The following WDR81 variants were observed in gnomAD, a reference collection of about 807,000 sequenced individuals.
WDR81 encodes the protein WD repeat-containing protein 81.
In WDR81, 92 loss-of-function variants were observed where a neutral mutation model predicts 140.8. The ratio of observed to expected loss-of-function variants is 0.65; its 90% CI spans 0.55 to 0.78. The LOEUF (loss-of-function observed/expected upper bound fraction) is 0.78, where lower values mean the gene tolerates loss of function less well. Ranked by LOEUF, WDR81 falls within the 30% of genes least tolerant of loss-of-function variation. The pLI is 0.00. For missense variants in WDR81, 2,502 were observed against 2,636.4 expected (o/e 0.95, Z 1.12); for synonymous variants, 1,183 against 1,156.4 (o/e 1.02, Z -0.47).
chr17:1,723,015 C>A, upstream of WDR81, among the ~76,000 whole-genome samples: 1 of 152,080 alleles, frequency 6.6e-6, no homozygotes. Flanking sequence ...TCCTAAGTGT[C>A]TTTATGGGAC....
upstream of WDR81, among the ~76,000 whole-genome samples, chr17:1,722,640 C>T (rs1234889288): frequency 2.0e-5 from 3 of 151,410 alleles, no homozygotes; most frequent in African/African-American, 7.3e-5. Context: ...CCACCGCACC[C>T]GGCCCTCCTA....
In WDR81 at chr17:1,732,834, A is replaced by G. The variant is rs1222957113; in HGVS notation, c.4489+3A>G. The G allele has an allele frequency of 6.3e-7, 1 of 1,598,270 alleles. No individual in the cohort carries two copies. Among genetic ancestry groups the G allele is most frequent in the Non-Finnish European group, 8.5e-7 (1 of 1,170,404 alleles). On this transcript the variant is annotated splice_donor_region_variant and intron_variant, in intron 6 of 9. Transcript: ENST00000409644. ...CGTGCCCTTCTCCTGCCTGTTGGGT[A>G]CTGCCCCATCACGTTCCCCATCACA...
At chr17:1,720,899 C>G (rs996055489), upstream of WDR81, among the ~76,000 whole-genome samples, 1 of 152,062 alleles carries the variant, frequency 6.6e-6, no homozygotes. Context: ...TCTCTATTCT[C>G]GGGAGGAAAG....
In WDR81 at chr17:1,733,549, C is replaced by T. The variant is rs888627978; in HGVS notation, c.4512C>T (p.Ile1504=). The change falls in exon 7 of 10, where the codon ATC becomes ATT. Residue 1504 remains isoleucine (I), a synonymous_variant. Coordinates refer to ENST00000409644, the MANE Select transcript of WDR81 (RefSeq NM_001163809.2). ...CLLGDIIRKI[I]PNHELVGELA... ...CAGGTGACATCATCCGGAAAATCAT[C>T]CCCAACCACGAGCTGGTTGGGGAGC... The T allele has an allele frequency of 6.6e-7, 1 of 1,518,334 alleles. No homozygotes were observed. Among genetic ancestry groups the T allele is most frequent in the Non-Finnish European group, 8.8e-7 (1 of 1,134,570 alleles). The allele number at this position is 1,518,334 out of a possible 1,614,324, so 94.1% of individuals were successfully genotyped here. A position where few individuals can be genotyped will look rare whatever the true frequency, so the allele number is the denominator to read the frequency against.
Position 1,734,056 on chromosome 17 carries a change from C to T in WDR81, c.5019C>T (p.Arg1673=), listed in dbSNP as rs373859767. 7.5e-6 allele frequency: 12 copies of T among 1,608,082 alleles called. No homozygotes were observed. Among genetic ancestry groups the T allele is most frequent in the Middle Eastern group, 1.6e-4 (1 of 6,084 alleles). The change falls in exon 7 of 10, where the codon CGC becomes CGT. Residue 1673 remains arginine, a synonymous_variant. Transcript: ENST00000409644. ...FLSGSKDRTV[R]LWPLYNYGDG... is the part of the protein sequence containing the mutation. ...GCGGCAGCAAGGATCGTACCGTGCGCCTCTGGCCGCTGTACAACTACGGCG... is the reference window on the plus strand; with the variant it reads ...GCGGCAGCAAGGATCGTACCGTGCGTCTCTGGCCGCTGTACAACTACGGCG...
rs1331293413 is a variant in WDR81, at chr17:1,735,741, G to A, written c.5325+24G>A. The A allele has an allele frequency of 4.4e-6, 7 of 1,590,250 alleles. No individual in the cohort carries two copies. Among genetic ancestry groups the A allele is most frequent in the East Asian group, 2.3e-5 (1 of 44,332 alleles). ...AGGTCAGGGGGGTCCAGTTCCCTGAGCACTCGCCTGGTTCTCTGGGGACCT... is the reference window on the plus strand; with the variant it reads ...AGGTCAGGGGGGTCCAGTTCCCTGAACACTCGCCTGGTTCTCTGGGGACCT... On this transcript the variant is annotated intron_variant, in intron 8 of 9. Coordinates refer to ENST00000409644, the MANE Select transcript of WDR81 (RefSeq NM_001163809.2). The surrounding 1 kb of genome is among the most constrained non-coding windows in gnomAD (Gnocchi z 4.2).
In WDR81 at chr17:1,726,328, C is replaced by T. The variant is rs1414562283; in HGVS notation, c.1369C>T (p.Arg457Cys). ...DITYYVYKAR[R>C]TPRSVLCGHV... ...CACGTACTATGTGTACAAGGCTCGG[C>T]GCACGCCTCGGTCGGTGCTCTGCGG... The change falls in exon 1 of 10, where the codon CGC becomes TGC. Residue 457 changes from arginine to cysteine, a missense_variant. Arg to Cys is a radical substitution (Grantham distance 180, BLOSUM62 -3). Transcript: ENST00000409644. 4 of 1,543,840 alleles carry T rather than the reference C, an allele frequency of 2.6e-6. No homozygotes were observed. Among genetic ancestry groups the T allele is most frequent in the South Asian group, 2.4e-5 (2 of 83,530 alleles).
rs542047481 is a variant in WDR81, at chr17:1,726,458, C to T, written c.1499C>T (p.Ser500Phe). The T allele has an allele frequency of 1.3e-6, 2 of 1,550,524 alleles. No individual in the cohort carries two copies. Among genetic ancestry groups the T allele is most frequent in the African/African-American group, 1.4e-5 (1 of 73,172 alleles). Residue 500 changes from serine to phenylalanine, a missense_variant, in exon 1 of 10, where the codon TCT becomes TTT. By Grantham distance (155) the Ser-to-Phe change is radical (BLOSUM62 -2). This residue lies in a region of WDR81 where 218 missense variants were observed against 279.6 expected (regional missense o/e 0.78). Transcript: ENST00000409644. ...ECIPEFYTDP[S>F]IFRSIHPDMP... ...ATTCCGGAGTTCTACACCGATCCCT[C>T]TATCTTCCGCTCCATCCACCCCGAC...
rs1192563151 is a variant in WDR81 at position 1,738,035 on chromosome 17, G to A, written c.*350G>A. ...AAGCTCGGGAAGGGGAAGGGAGACT[G>A]GCCCTGCCCAGCCGGTCTCTAGCCC... On this transcript the variant is annotated 3_prime_UTR_variant, in exon 10 of 10. Transcript: ENST00000409644. 11 of 367,292 alleles carry A rather than the reference G, an allele frequency of 3.0e-5. No homozygotes were observed. The East Asian group carries it at 5.7e-4, about 19-fold the overall frequency. 22.8% of individuals were successfully genotyped at this position (367,292 alleles called of 1,614,324 possible).
At chr17:1,733,439 C>T in intron 6 of WDR81, 88 bp from the exon 7 acceptor site, 10 of 1,353,396 alleles carry the variant, frequency 7.4e-6, no homozygotes, top group South Asian at 3.0e-5. Flanking sequence ...GTTCCTGCCC[C>T]ATCTTCTGTG....
intron 7 of WDR81, among the ~76,000 whole-genome samples, chr17:1,734,647 C>T (rs1213241323): frequency 2.0e-5 from 3 of 151,828 alleles, no homozygotes; most frequent in Non-Finnish European, 4.4e-5. Flanking sequence ...GGCGTGGTGG[C>T]GGGTGCCTGT....
At chr17:1,716,738 C>A in intron 1 of WDR81, 2 of 1,282,350 alleles carry the variant, frequency 1.6e-6, no homozygotes, top group East Asian at 2.5e-5. Context: ...TTAGACATTC[C>A]CCAAACTGAC....
chr17:1,735,728 T>A lies in WDR81; in HGVS notation c.5325+11T>A, dbSNP rs1465172505. 6.2e-7 allele frequency: 1 copy of A among 1,604,088 alleles called. No homozygotes were observed. Among genetic ancestry groups the A allele is most frequent in the South Asian group, 1.1e-5 (1 of 90,126 alleles). On this transcript the variant is annotated intron_variant, in intron 8 of 9. Coordinates refer to ENST00000409644, the MANE Select transcript of WDR81 (RefSeq NM_001163809.2). This position sits in a 1 kb window ranked among gnomAD's most constrained non-coding sequence, Gnocchi z 4.2. ...AAGCCTGGTCTGCAGGTCAGGGGGG[T>A]CCAGTTCCCTGAGCACTCGCCTGGT... is the stretch of plus-strand genomic sequence containing the variant.
chr17:1,729,349 G>A (rs571974324), intron 1 of WDR81, among the ~76,000 whole-genome samples: 3 of 151,586 alleles, frequency 2.0e-5, no homozygotes, highest in East Asian at 2.0e-4. Flanking sequence ...GCGTGGTGGC[G>A]GGCACCTGTA....
At chr17:1,734,777 TCAA>T (rs1420398446) in intron 7 of WDR81, among the ~76,000 whole-genome samples, 9 of 114,362 alleles carry the variant, frequency 7.9e-5, no homozygotes, top group African/African-American at 2.5e-4. Context: ...AGACTCTGTC[TCAA>T]AAAAAAAAAA....
intron 6 of WDR81, 185 bp downstream of exon 6, chr17:1,733,016 AG>A: frequency 1.4e-6 from 1 of 695,108 alleles, no homozygotes. Flanking sequence ...ACTGAGCAGT[AG>A]CCAGCAAGAG....
intron 1 of WDR81, 113 bp downstream of exon 1, chr17:1,728,739 G>C: frequency 6.8e-6 from 9 of 1,318,640 alleles, no homozygotes; most frequent in Non-Finnish European, 8.9e-6. Context: ...CGGATCACAA[G>C]GTCAGGAGAT....
Position 1,725,433 on chromosome 17 carries a change from C to T in WDR81, c.474C>T (p.Tyr158=). The part of the protein sequence containing the change: ...RNLWRHAYHT[Y]GQPYSHSPAP... The stretch of plus-strand genomic sequence containing the variant: ...TGTGGCGCCATGCATACCACACTTA[C>T]GGCCAGCCGTACAGTCACAGCCCTG... The change falls in exon 1 of 10, where the codon TAC becomes TAT. Residue 158 remains tyrosine, a synonymous_variant. Transcript: ENST00000409644. 3.2e-6 allele frequency: 5 copies of T among 1,549,468 alleles called. No homozygotes were observed. The highest frequency in any genetic ancestry group is 4.4e-6 in the Non-Finnish European group (5 of 1,146,978).
intron 1 of WDR81, among the ~76,000 whole-genome samples, chr17:1,729,690 C>T (rs188584213): frequency 9.1e-4 from 138 of 151,938 alleles, no homozygotes; most frequent in African/African-American, 3.0e-3. Context: ...GGACCGGGCG[C>T]GGTGCTTCAC....
Sources: allele counts gnomAD v4.1 joint callset (sites outside exome capture counted in the v4.1 genomes callset), GRCh38; gene constraint gnomAD v4.1.1; regional missense constraint gnomAD v4.1.1; non-coding constraint Gnocchi (gnomAD v3.1); transcripts MANE v1.5; gene names NCBI Gene and HGNC (gene_info 2026-07-23, HGNC 2026-07-21).